SUSD1: variants seen among roughly 807,000 people sequenced by gnomAD.
The protein encoded by SUSD1 is sushi domain containing 1.
Under a neutral mutation model 86.9 loss-of-function variants are expected in SUSD1, and 65 were observed. The ratio of observed to expected loss-of-function variants is 0.75; its 90% CI spans 0.61 to 0.92. SUSD1 has a LOEUF of 0.92. Among genes scored for constraint, SUSD1 ranks in the 40% least tolerant of loss-of-function variants. SUSD1 has a pLI of 0.00. For synonymous variants in SUSD1, 346 were observed against 350.0 expected, an observed-to-expected ratio of 0.99 and a Z score of 0.13; for missense variants, 850 against 929.7, an observed-to-expected ratio of 0.91 and a Z score of 1.11.
intron 15 of SUSD1, among the ~76,000 whole-genome samples, chr9:112,046,890 C>T (rs1276262861): frequency 1.3e-5 from 2 of 152,138 alleles, no homozygotes; most frequent in African/African-American, 4.8e-5. Context: ...ACATTAGCAA[C>T]ACTGTTATAT....
intron 11 of SUSD1, 87 bp from the exon 12 acceptor site, chr9:112,078,811 C>CTCTT: frequency 1.6e-6 from 1 of 640,366 alleles, no homozygotes; most frequent in South Asian, 2.4e-5. Context: ...TTTTCTTTCT[C>CTCTT]TTTTTTTTTT....
intron 12 of SUSD1, among the ~76,000 whole-genome samples, chr9:112,073,249 A>C (rs1829363815): frequency 6.6e-6 from 1 of 152,212 alleles, no homozygotes; most frequent in Admixed American, 6.5e-5. Flanking sequence ...CTTGTTATGA[A>C]TACAATGAGA....
At chr9:112,058,761 A>G (rs1183090753) in intron 13 of SUSD1, 75 bp from the exon 14 acceptor site, 3 of 1,544,528 alleles carry the variant, frequency 1.9e-6, no homozygotes, top group Non-Finnish European at 1.7e-6. Context: ...TTTATTGAGC[A>G]CCTGCTATGA....
At chr9:112,126,711 C>T (rs1831791414) in intron 5 of SUSD1, among the ~76,000 whole-genome samples, 1 of 152,154 alleles carries the variant, frequency 6.6e-6, no homozygotes, top group African/African-American at 2.4e-5. Flanking sequence ...TTTAGAAAAA[C>T]GCACGTGCTG....
chr9:112,143,841 T>C (rs1174903796), intron 3 of SUSD1, among the ~76,000 whole-genome samples: 1 of 152,194 alleles, frequency 6.6e-6, no homozygotes, highest in Non-Finnish European at 1.5e-5. Context: ...AAGTGCTCAA[T>C]AAATGTTTGT....
rs2118866929 is a variant in SUSD1 at position 112,048,517 on chromosome 9, A to G, written c.2149+3882T>C. Among the ~76,000 whole-genome samples, 3 of 152,268 alleles carry G rather than the reference A, an allele frequency of 2.0e-5. 1 individual carries two copies. In the Middle Eastern group the frequency reaches 0.01, roughly 518 times the overall value. On this transcript the variant is annotated intron_variant, in intron 15 of 16. Coordinates refer to ENST00000374270, the MANE Select transcript of SUSD1 (RefSeq NM_022486.5). ...CACCTCCTATGCTTCATTTCCCATA[A>G]AACTAACTGCTGCTTCCTCAGTAAT...
chr9:112,096,789 C>T (rs1830414220), intron 10 of SUSD1, among the ~76,000 whole-genome samples: 1 of 152,240 alleles, frequency 6.6e-6, no homozygotes, highest in Non-Finnish European at 1.5e-5. Flanking sequence ...ATCCACCCGC[C>T]TTGGCCTCCC....
intron 5 of SUSD1, among the ~76,000 whole-genome samples, chr9:112,139,436 C>T (rs1832460471): frequency 6.6e-6 from 1 of 152,104 alleles, no homozygotes; most frequent in South Asian, 2.1e-4. Flanking sequence ...ATATAACCCA[C>T]ACATTATTAT....
intron 15 of SUSD1, among the ~76,000 whole-genome samples, chr9:112,049,799 T>C (rs1161351489): frequency 6.6e-6 from 1 of 152,198 alleles, no homozygotes; most frequent in Non-Finnish European, 1.5e-5. Context: ...CACAGAACAG[T>C]GTTTTTCCTA....
At chr9:112,168,541 C>T (rs890727087) in intron 1 of SUSD1, among the ~76,000 whole-genome samples, 13 of 152,362 alleles carry the variant, frequency 8.5e-5, no homozygotes, top group Middle Eastern at 3.4e-3. Flanking sequence ...CTGAGAAACA[C>T]TCTCACTCTT....
intron 1 of SUSD1, among the ~76,000 whole-genome samples, chr9:112,159,784 C>A (rs911011717): frequency 6.6e-6 from 1 of 152,038 alleles, no homozygotes; most frequent in Non-Finnish European, 1.5e-5. Context: ...TACTTCAATG[C>A]GGCCTTTAAA....
intron 1 of SUSD1, among the ~76,000 whole-genome samples, chr9:112,165,050 T>C (rs1833722545): frequency 1.3e-5 from 2 of 152,250 alleles, no homozygotes; most frequent in African/African-American, 4.8e-5. Context: ...GCCCTATATT[T>C]TGGATTTCTA....
intron 2 of SUSD1, among the ~76,000 whole-genome samples, chr9:112,155,250 A>G (rs1322840301): frequency 6.8e-6 from 1 of 146,548 alleles, no homozygotes; most frequent in Admixed American, 6.8e-5. Flanking sequence ...GACGCCATCA[A>G]AAAAAAAAAA....
chr9:112,145,439 C>A (rs572457687), intron 3 of SUSD1, among the ~76,000 whole-genome samples: 34 of 152,022 alleles, frequency 2.2e-4, no homozygotes, highest in African/African-American at 7.7e-4. Flanking sequence ...ACCACCACGC[C>A]GGCTAATTTT....
intron 1 of SUSD1, among the ~76,000 whole-genome samples, chr9:112,162,263 G>T (rs1181573637): frequency 6.6e-6 from 1 of 152,092 alleles, no homozygotes; most frequent in Non-Finnish European, 1.5e-5. Context: ...TTTCACTTGG[G>T]GGCTAATATA....
At chr9:112,166,598 T>A (rs1429576614) in intron 1 of SUSD1, among the ~76,000 whole-genome samples, 1 of 152,150 alleles carries the variant, frequency 6.6e-6, no homozygotes, top group Non-Finnish European at 1.5e-5. Context: ...GATTGCCACA[T>A]AGCACAGCTG....
intron 5 of SUSD1, among the ~76,000 whole-genome samples, chr9:112,127,383 A>G (rs1192740827): frequency 6.6e-6 from 1 of 152,158 alleles, no homozygotes; most frequent in African/African-American, 2.4e-5. Context: ...AAAAAGAAAA[A>G]GAAAAATGCT....
In SUSD1 at chr9:112,070,586, A is replaced by G. The variant is rs78781330; in HGVS notation, c.1754-7553T>C. Among the ~76,000 whole-genome samples the G allele has an allele frequency of 9.1e-3, 1,393 of 152,308 alleles. 27 individuals carry two copies. The highest frequency in any genetic ancestry group is 0.032 in the African/African-American group (1,322 of 41,556). Reference sequence around the variant, plus strand: ...TTTCACCTTGGGTGTGTGAGATGGGAGAGGAACCAGAACAGAGACCTTCAT... The same window carrying G: ...TTTCACCTTGGGTGTGTGAGATGGGGGAGGAACCAGAACAGAGACCTTCAT... On this transcript the variant is annotated intron_variant, in intron 12 of 16. Coordinates refer to ENST00000374270, the MANE Select transcript of SUSD1 (RefSeq NM_022486.5).
chr9:112,050,552 T>G (rs775471337), intron 15 of SUSD1, among the ~76,000 whole-genome samples: 19 of 152,180 alleles, frequency 1.2e-4, no homozygotes, highest in Non-Finnish European at 2.1e-4. Context: ...GAAGCAAGTT[T>G]ATGCTGGCAC....
Sources: allele counts gnomAD v4.1 joint callset (sites outside exome capture counted in the v4.1 genomes callset), GRCh38; gene constraint gnomAD v4.1.1; transcripts MANE v1.5; gene names NCBI Gene and HGNC (gene_info 2026-07-23, HGNC 2026-07-21).